Variants in CNTNAP2 observed in about 807,000 individuals in gnomAD.
CNTNAP2 encodes contactin associated protein 2, also known as contactin-associated protein-like 2.
Under a neutral mutation model 155.2 loss-of-function variants are expected in CNTNAP2, and 98 were observed. That is an observed-to-expected ratio of 0.63 (90% CI 0.54 to 0.75). The LOEUF is 0.75. CNTNAP2 is among the 30% of genes least tolerant of loss of function. The pLI is 0.00. For missense variants in CNTNAP2, 1,727 were observed against 1,688.1 expected (o/e 1.02, Z -0.40); for synonymous variants, 651 against 631.2 (o/e 1.03, Z -0.47).
At position 147,209,425 on chromosome 7, in the gene CNTNAP2, AT is replaced by A. The variant is rs146879841; in HGVS notation, c.1348+76922del. On this transcript the variant is annotated intron_variant, in intron 8 of 23. Transcript: ENST00000361727. ...CTTTTGCTATATAGAAATGCTACTG[AT>A]TTTTTAAATTGATTTTATACCCTGA... Among the ~76,000 whole-genome samples, 248 of 151,966 alleles carry A rather than the reference AT, an allele frequency of 1.6e-3. 5 individuals carry two copies. In the East Asian group the frequency reaches 0.045, roughly 28 times the overall value.
At chr7:147,343,635 T>G (rs2116864182) in intron 9 of CNTNAP2, among the ~76,000 whole-genome samples, 1 of 152,312 alleles carries the variant, frequency 6.6e-6, no homozygotes. Flanking sequence ...AAGTTTTAAT[T>G]TTATGAATAA....
chr7:147,682,058 G>T (rs1348095385), intron 13 of CNTNAP2, among the ~76,000 whole-genome samples: 3 of 151,928 alleles, frequency 2.0e-5, no homozygotes, highest in Admixed American at 1.3e-4. Flanking sequence ...TTATTAGAAG[G>T]TATTAAATTT....
At chr7:147,807,008 G>A (rs1336090972) in intron 13 of CNTNAP2, among the ~76,000 whole-genome samples, 1 of 152,082 alleles carries the variant, frequency 6.6e-6, no homozygotes, top group East Asian at 1.9e-4. Context: ...GGATTGAAAT[G>A]TTCCTAACAC....
At chr7:148,062,893 C>T (rs761937239) in intron 15 of CNTNAP2, among the ~76,000 whole-genome samples, 19 of 151,962 alleles carry the variant, frequency 1.3e-4, no homozygotes, top group Non-Finnish European at 2.2e-4. Context: ...AGAAAATCCT[C>T]CAGCAAAATT....
At chr7:146,986,913 G>C (rs571445270) in intron 3 of CNTNAP2, among the ~76,000 whole-genome samples, 1 of 151,580 alleles carries the variant, frequency 6.6e-6, no homozygotes, top group Non-Finnish European at 1.5e-5. Flanking sequence ...TTTTTTACTA[G>C]ATCATTCTTA....
chr7:147,243,774 C>A (rs1044782292), intron 8 of CNTNAP2, among the ~76,000 whole-genome samples: 1 of 152,064 alleles, frequency 6.6e-6, no homozygotes, highest in Non-Finnish European at 1.5e-5. Flanking sequence ...GTTAACATAT[C>A]ATTTTGCAAA....
intron 13 of CNTNAP2, among the ~76,000 whole-genome samples, chr7:147,753,267 C>G (rs570182840): frequency 3.3e-5 from 5 of 152,312 alleles, no homozygotes; most frequent in African/African-American, 4.8e-5. Context: ...TTCTAATAGA[C>G]TGAAACTAAT....
At chr7:146,245,084 A>G (rs1169334812) in intron 1 of CNTNAP2, among the ~76,000 whole-genome samples, 2 of 152,204 alleles carry the variant, frequency 1.3e-5, no homozygotes, top group East Asian at 1.9e-4. Flanking sequence ...GTACTATAGC[A>G]TAGCCTGCCT....
At chr7:147,778,478 A>T (rs1456320923) in intron 13 of CNTNAP2, among the ~76,000 whole-genome samples, 1 of 152,162 alleles carries the variant, frequency 6.6e-6, no homozygotes, top group Non-Finnish European at 1.5e-5. Flanking sequence ...GCCATGCTAA[A>T]AGAGTTGGGA....
At chr7:146,511,880 A>C (rs926372012) in intron 1 of CNTNAP2, among the ~76,000 whole-genome samples, 2 of 152,104 alleles carry the variant, frequency 1.3e-5, no homozygotes, top group Admixed American at 6.6e-5. Context: ...AATTTGGTAG[A>C]GTTCAGCAGT....
intron 2 of CNTNAP2, among the ~76,000 whole-genome samples, chr7:146,838,432 C>A (rs934359699): frequency 7.9e-5 from 12 of 152,132 alleles, no homozygotes; most frequent in African/African-American, 2.9e-4. Context: ...ATTCTCCTGC[C>A]TCAGCCTTCC....
At chr7:147,482,760 A>AAATC (rs1463386643) in intron 10 of CNTNAP2, among the ~76,000 whole-genome samples, 5 of 143,710 alleles carry the variant, frequency 3.5e-5, no homozygotes, top group African/African-American at 1.3e-4. Context: ...ATAAATAAAT[A>AAATC]ATCGGCCGGG....
In CNTNAP2 at chr7:147,775,359, T is replaced by A. The variant is rs372262959; in HGVS notation, c.2099-128206T>A. ...TATAAATATATATATTTATATATAT[T>A]TATAAATATATATATATTTATATAT... On this transcript the variant is annotated intron_variant, in intron 13 of 23. Coordinates refer to ENST00000361727, the MANE Select transcript of CNTNAP2 (RefSeq NM_014141.6). Among the ~76,000 whole-genome samples the A allele has an allele frequency of 3.9e-3, 171 of 44,244 alleles. 2 individuals carry two copies. Among genetic ancestry groups the A allele is most frequent in the South Asian group, 5.4e-3 (9 of 1,664 alleles). The allele number at this position is 44,244 out of a possible 152,430, so 29.0% of individuals were successfully genotyped here.
intron 15 of CNTNAP2, among the ~76,000 whole-genome samples, chr7:148,059,810 A>G (rs950721441): frequency 6.6e-6 from 1 of 150,784 alleles, no homozygotes; most frequent in African/African-American, 2.4e-5. Context: ...ATAACTTGAT[A>G]CAAAGTCTGC....
At chr7:146,571,684 A>G (rs1002414727) in intron 1 of CNTNAP2, among the ~76,000 whole-genome samples, 1 of 152,036 alleles carries the variant, frequency 6.6e-6, no homozygotes, top group Admixed American at 6.5e-5. Context: ...TCTGCAGGCG[A>G]TAGTGTTGTT....
chr7:147,747,647 GT>G (rs1368409068), intron 13 of CNTNAP2, among the ~76,000 whole-genome samples: 3 of 152,234 alleles, frequency 2.0e-5, no homozygotes, highest in Admixed American at 1.3e-4. Flanking sequence ...GATAGTTCTA[GT>G]TTTAGTTTTT....
At chr7:147,868,587 A>G (rs908143231) in intron 13 of CNTNAP2, among the ~76,000 whole-genome samples, 3 of 152,222 alleles carry the variant, frequency 2.0e-5, no homozygotes, top group Non-Finnish European at 2.9e-5. Flanking sequence ...GGTGGAGTCT[A>G]TAGAGGCAGT....
At chr7:147,454,549 G>A (rs570198073) in intron 10 of CNTNAP2, among the ~76,000 whole-genome samples, 4 of 151,972 alleles carry the variant, frequency 2.6e-5, no homozygotes, top group Non-Finnish European at 5.9e-5. Context: ...TATGATTTCC[G>A]AGTATTTGCC....
intron 1 of CNTNAP2, among the ~76,000 whole-genome samples, chr7:146,694,883 A>AATTCTGAG (rs200782347): frequency 0.012 from 1,804 of 152,150 alleles, 20 homozygotes; most frequent in Middle Eastern, 0.054. Context: ...TTTAATTTTA[A>AATTCTGAG]ATTCTGAGTG....
Sources: gnomAD v4.1 joint callset for allele counts (sites outside exome capture counted in the v4.1 genomes callset) on GRCh38, gnomAD v4.1.1 for gene constraint, MANE v1.5 for transcripts, NCBI Gene and HGNC (gene_info 2026-07-23, HGNC 2026-07-21) for gene names.